SVEP1: variants seen among roughly 807,000 people sequenced by gnomAD.
SVEP1 encodes the protein sushi, von Willebrand factor type A, EGF and pentraxin domain containing 1, also known as sushi, von Willebrand factor type A, EGF and pentraxin domain-containing protein 1.
A neutral mutation model predicts 367.3 loss-of-function variants in SVEP1; 164 were observed. That is an observed-to-expected ratio of 0.45 (90% CI 0.39 to 0.51). The LOEUF (loss-of-function observed/expected upper bound fraction) is 0.51. Ranked by LOEUF, SVEP1 falls within the 20% of genes least tolerant of loss-of-function variation. SVEP1 has a pLI of 0.00. For missense variants in SVEP1, 4,117 were observed against 4,425.3 expected, an observed-to-expected ratio of 0.93 and a Z score of 1.98; for synonymous variants, 1,666 against 1,611.6, an observed-to-expected ratio of 1.03 and a Z score of -0.81.
At chr9:110,475,827 C>T (rs73655364) in intron 14 of SVEP1, 4,298 of 159,030 alleles carry the variant, frequency 0.027, 192 homozygotes, top group African/African-American at 0.098. Context: ...GAATATTTTA[C>T]ATGTGTAACT....
At chr9:110,565,136 A>C (rs1830475665) in intron 1 of SVEP1, among the ~76,000 whole-genome samples, 2 of 152,076 alleles carry the variant, frequency 1.3e-5, no homozygotes, top group South Asian at 4.2e-4. Context: ...AGTCAAAAGG[A>C]ATTGGGTTTT....
intron 43 of SVEP1, among the ~76,000 whole-genome samples, chr9:110,384,799 T>C (rs775619118): frequency 3.9e-5 from 6 of 152,124 alleles, no homozygotes; most frequent in Non-Finnish European, 7.4e-5. Context: ...CTTATCTCAT[T>C]AAGTGGCGTG....
At chr9:110,395,428 G>A (rs371464295) in intron 40 of SVEP1, among the ~76,000 whole-genome samples, 2 of 151,952 alleles carry the variant, frequency 1.3e-5, no homozygotes, top group East Asian at 1.9e-4. Flanking sequence ...TCAAGGCTAG[G>A]AAGAAACTGC....
rs1259959377 is a variant in SVEP1, at chr9:110,407,572, C to G, written c.8028G>C (p.Leu2676=). ...ESPATHSSNF[L]YGTMVSYTCN... The stretch of plus-strand genomic sequence containing the variant: ...AGGTGTATGAAACCATGGTACCATA[C>G]AGAAAGTTTGATGAATGTGTAGCAG... Residue 2676 remains leucine, a synonymous_variant, in exon 38 of 48, where the codon CTG becomes CTC. Coordinates refer to ENST00000374469, the MANE Select transcript of SVEP1 (RefSeq NM_153366.4). 3 of 1,613,846 alleles carry G rather than the reference C, an allele frequency of 1.9e-6. No individual in the cohort carries two copies. Among genetic ancestry groups the G allele is most frequent in the Non-Finnish European group, 2.5e-6 (3 of 1,179,888 alleles).
At chr9:110,423,035 G>T (rs931980298) in intron 36 of SVEP1, among the ~76,000 whole-genome samples, 2 of 134,476 alleles carry the variant, frequency 1.5e-5, no homozygotes, top group African/African-American at 5.9e-5. Flanking sequence ...ACACATTAGT[G>T]GGTGCAGCGC....
chr9:110,399,966 A>C (rs1422582957), intron 40 of SVEP1, among the ~76,000 whole-genome samples: 1 of 152,254 alleles, frequency 6.6e-6, no homozygotes, highest in Non-Finnish European at 1.5e-5. Flanking sequence ...TGCTTTCAGC[A>C]AAACTGATTG....
At position 110,503,016 on chromosome 9, in the gene SVEP1, A is replaced by G. The variant is rs746204735; in HGVS notation, c.1483+22T>C. ...GCAGAGGAAATGAATCACTCAAGGCATTACACCTTCTAGAAACTTACCCAC... is the reference window on the plus strand; with the variant it reads ...GCAGAGGAAATGAATCACTCAAGGCGTTACACCTTCTAGAAACTTACCCAC... On this transcript the variant is annotated intron_variant, in intron 6 of 47. Coordinates refer to ENST00000374469, the MANE Select transcript of SVEP1 (RefSeq NM_153366.4). The G allele has an allele frequency of 2.4e-5, 39 of 1,603,306 alleles. No homozygotes were observed. The South Asian group carries it at 4.4e-4, about 18-fold the overall frequency.
intron 3 of SVEP1, among the ~76,000 whole-genome samples, chr9:110,528,156 G>GTGTGTGTATATATATA: frequency 0.023 from 774 of 33,828 alleles, 20 homozygotes; most frequent in Admixed American, 0.051. Context: ...GTGTGTGTGT[G>GTGTGTGTATATATATA]TATATATATA....
At chr9:110,461,592 A>G (rs1311736079) in intron 18 of SVEP1, among the ~76,000 whole-genome samples, 1 of 151,438 alleles carries the variant, frequency 6.6e-6, no homozygotes, top group Non-Finnish European at 1.5e-5. Flanking sequence ...TTTTTAATTG[A>G]TTTGAGAAAA....
intron 8 of SVEP1, among the ~76,000 whole-genome samples, chr9:110,492,503 AT>A (rs1829382239): frequency 6.6e-6 from 1 of 152,100 alleles, no homozygotes; most frequent in Non-Finnish European, 1.5e-5. Context: ...TTAAAACTTT[AT>A]TAAAAAGACT....
intron 7 of SVEP1, among the ~76,000 whole-genome samples, chr9:110,497,361 T>C (rs1829466755): frequency 6.6e-6 from 1 of 152,182 alleles, no homozygotes; most frequent in East Asian, 1.9e-4. Flanking sequence ...CCAGGCCCAT[T>C]TGAGGTCCCC....
intron 23 of SVEP1, 109 bp downstream of exon 23, chr9:110,451,180 A>G: frequency 1.2e-6 from 1 of 820,546 alleles, no homozygotes; most frequent in Middle Eastern, 2.4e-4. Context: ...TAATCACCAT[A>G]CAGTAATAAA....
intron 5 of SVEP1, among the ~76,000 whole-genome samples, chr9:110,507,302 A>G (rs887781725): frequency 6.6e-6 from 1 of 152,202 alleles, no homozygotes; most frequent in Non-Finnish European, 1.5e-5. Context: ...GCATTTGCCA[A>G]TTGTTCATAC....
chr9:110,507,675 A>G (rs1400466265), intron 5 of SVEP1, among the ~76,000 whole-genome samples: 1 of 152,136 alleles, frequency 6.6e-6, no homozygotes, highest in African/African-American at 2.4e-5. Flanking sequence ...TAGAATCTTT[A>G]TTGTGTCTAT....
chr9:110,377,255 C>A lies in SVEP1; in HGVS notation c.10504+16G>T. 1 of 1,611,304 alleles carries A rather than the reference C, an allele frequency of 6.2e-7. No individual in the cohort carries two copies. Among genetic ancestry groups the A allele is most frequent in the Non-Finnish European group, 8.5e-7 (1 of 1,177,866 alleles). ...AATTTGTCAGGACTCAAAGTAAGATCTGAAGAGCAACTCACGTTCTTCACA... is the reference window on the plus strand; with the variant it reads ...AATTTGTCAGGACTCAAAGTAAGATATGAAGAGCAACTCACGTTCTTCACA... On this transcript the variant is annotated intron_variant, in intron 45 of 47. Coordinates refer to ENST00000374469, the MANE Select transcript of SVEP1 (RefSeq NM_153366.4).
intron 18 of SVEP1, among the ~76,000 whole-genome samples, chr9:110,462,541 T>C (rs1203620727): frequency 6.7e-6 from 1 of 150,200 alleles, no homozygotes; most frequent in Non-Finnish European, 1.5e-5. Context: ...CTATCTAGTA[T>C]GTAATACAAT....
At chr9:110,558,507 C>T (rs868174453) in intron 1 of SVEP1, among the ~76,000 whole-genome samples, 5 of 100,252 alleles carry the variant, frequency 5.0e-5, no homozygotes, top group South Asian at 3.9e-4. Flanking sequence ...GAATGAGACC[C>T]TGTCTCAAAA....
intron 27 of SVEP1, among the ~76,000 whole-genome samples, chr9:110,440,660 T>C (rs1282359020): frequency 6.6e-6 from 1 of 152,160 alleles, no homozygotes; most frequent in South Asian, 2.1e-4. Flanking sequence ...CAGACCTGGA[T>C]CTTGAGGATT....
chr9:110,443,763 T>C (rs1373110987), intron 26 of SVEP1, 43 bp from the exon 27 acceptor site: 2 of 1,494,224 alleles, frequency 1.3e-6, no homozygotes, highest in Non-Finnish European at 9.0e-7. Flanking sequence ...ATTAGCCATA[T>C]GTTGCAATCC....
Sources: allele counts gnomAD v4.1 joint callset (sites outside exome capture counted in the v4.1 genomes callset), GRCh38; gene constraint gnomAD v4.1.1; transcripts MANE v1.5; gene names NCBI Gene and HGNC (gene_info 2026-07-23, HGNC 2026-07-21).